MYCBP2: variants seen among roughly 807,000 people sequenced by gnomAD.
MYCBP2 encodes the protein E3 ubiquitin-protein ligase MYCBP2.
In MYCBP2, 120 loss-of-function variants were observed where a neutral mutation model predicts 525.3. The observed-to-expected ratio is 0.23, with a 90% CI of 0.20 to 0.27. MYCBP2 has a LOEUF of 0.27. Among genes scored for constraint, MYCBP2 ranks in the 10% least tolerant of loss-of-function variants. The pLI is 1.00. For missense variants in MYCBP2, 4,149 were observed against 5,657.1 expected (o/e 0.73, Z 8.55); for synonymous variants, 1,894 against 1,955.8 (o/e 0.97, Z 0.83).
At chr13:77,244,962 A>G (rs2069595582) in intron 15 of MYCBP2, among the ~76,000 whole-genome samples, 1 of 152,226 alleles carries the variant, frequency 6.6e-6, no homozygotes, top group East Asian at 1.9e-4. Flanking sequence ...AAGAACAGAC[A>G]CTTCTCAAAC....
intron 55 of MYCBP2, among the ~76,000 whole-genome samples, chr13:77,102,969 G>A (rs2047302025): frequency 6.6e-6 from 1 of 151,874 alleles, no homozygotes; most frequent in Non-Finnish European, 1.5e-5. Context: ...TTAAAATTAA[G>A]TAAGAGTAAT....
chr13:77,048,053 C>T (rs1357809369), intron 82 of MYCBP2, among the ~76,000 whole-genome samples: 1 of 152,142 alleles, frequency 6.6e-6, no homozygotes, highest in African/African-American at 2.4e-5. Flanking sequence ...GGCATTATCT[C>T]AGACAATGAG....
chr13:77,230,146 C>A (rs970260727), intron 18 of MYCBP2, among the ~76,000 whole-genome samples: 5 of 152,148 alleles, frequency 3.3e-5, no homozygotes, highest in African/African-American at 1.2e-4. Context: ...TGAATTCTGA[C>A]CTTCTCTGAA....
At position 77,288,394 on chromosome 13, in the gene MYCBP2, A is replaced by C; in HGVS notation, c.379-18T>G. On this transcript the variant is annotated intron_variant, in intron 2 of 82. Coordinates refer to ENST00000544440, the MANE Select transcript of MYCBP2 (RefSeq NM_015057.5). ...TTTTCAGACTGAAATACAAAACAGAATATTTCCATTTCACACTCTTTTCTA... is the reference window on the plus strand; with the variant it reads ...TTTTCAGACTGAAATACAAAACAGACTATTTCCATTTCACACTCTTTTCTA... 6.3e-7 allele frequency: 1 copy of C among 1,584,158 alleles called. No individual in the cohort carries two copies. The highest frequency in any genetic ancestry group is 8.7e-7 in the Non-Finnish European group (1 of 1,155,108).
chr13:77,219,819 T>C (rs549447888), intron 20 of MYCBP2, among the ~76,000 whole-genome samples: 16 of 149,800 alleles, frequency 1.1e-4, no homozygotes, highest in African/African-American at 3.2e-4. Context: ...AGAGCAGGAG[T>C]TTTCAACTCA....
intron 1 of MYCBP2, among the ~76,000 whole-genome samples, chr13:77,304,283 T>A (rs2079134798): frequency 6.6e-6 from 1 of 152,136 alleles, no homozygotes. Context: ...CACAATGAAA[T>A]ACCATTTAGT....
intron 17 of MYCBP2, among the ~76,000 whole-genome samples, chr13:77,242,169 A>C (rs2068951154): frequency 6.6e-6 from 1 of 152,168 alleles, no homozygotes; most frequent in East Asian, 1.9e-4. Flanking sequence ...GCTGGAGTGC[A>C]GTGGTGCGAT....
In MYCBP2 at chr13:77,188,964, C is replaced by A. The variant is rs890005550; in HGVS notation, c.4238G>T (p.Arg1413Ile). 11 of 1,598,028 alleles carry A rather than the reference C, an allele frequency of 6.9e-6. No individual in the cohort carries two copies. The highest frequency in any genetic ancestry group is 2.7e-5 in the African/African-American group (2 of 73,434). The change falls in exon 30 of 83, where the codon AGA becomes ATA. Residue 1413 changes from arginine to isoleucine, a missense_variant. Physicochemically the swap from Arg to Ile is moderately conservative, Grantham distance 97. Around this residue, in one of 21 missense-constraint regions of MYCBP2, gnomAD observed 292 missense variants for 330.5 expected, o/e 0.88. Transcript: ENST00000544440. ...AACATGGCTTACCACTGAGACAGTTCTTGCAAAAGACCTCTTTAAAATGTG... is the reference window on the plus strand; with the variant it reads ...AACATGGCTTACCACTGAGACAGTTATTGCAAAAGACCTCTTTAAAATGTG... ...PVHILKRSFA[R>I]TVSVECFESL...
intron 1 of MYCBP2, among the ~76,000 whole-genome samples, chr13:77,320,556 C>T (rs1056517584): frequency 2.6e-5 from 4 of 151,860 alleles, no homozygotes; most frequent in Non-Finnish European, 5.9e-5. Context: ...TCAAAGAATG[C>T]TAAAAGCATT....
rs1227692788 is a variant in MYCBP2, at chr13:77,205,544, G to T, written c.3644C>A (p.Thr1215Lys). The change falls in exon 25 of 83, where the codon ACA becomes AAA. Residue 1215 changes from threonine to lysine, a missense_variant. This residue lies in a region of MYCBP2 where 620 missense variants were observed against 795.5 expected (regional missense o/e 0.78). Transcript: ENST00000544440. ...MQDLKMGVAS[T>K]EEETQAVMKV... The stretch of plus-strand genomic sequence containing the variant: ...CATTACTGCTTGAGTCTCTTCCTCT[G>T]TACTTGCAACACCCATTTTTAAGTC... 3 of 1,613,292 alleles carry T rather than the reference G, an allele frequency of 1.9e-6. No homozygotes were observed. Among genetic ancestry groups the T allele is most frequent in the Non-Finnish European group, 2.5e-6 (3 of 1,179,776 alleles).
At chr13:77,151,011 A>T (rs1229674962) in intron 46 of MYCBP2, 62 bp from the exon 47 acceptor site, 3 of 1,337,612 alleles carry the variant, frequency 2.2e-6, no homozygotes, top group Non-Finnish European at 3.2e-6. Context: ...ACATCAAAAT[A>T]AGCAACTTAC....
rs540187163 is a variant in MYCBP2, at chr13:77,200,487, A to C, written c.3843+4769T>G. Among the ~76,000 whole-genome samples, 7 of 152,172 alleles carry C rather than the reference A, an allele frequency of 4.6e-5. No individual in the cohort carries two copies. In the East Asian group the frequency reaches 9.7e-4, roughly 21 times the overall value. ...CACTCTGCAGGATATTATCCAGGAGAACTTCCCCAATCTAGCAAGGCAGGC... is the reference window on the plus strand; with the variant it reads ...CACTCTGCAGGATATTATCCAGGAGCACTTCCCCAATCTAGCAAGGCAGGC... On this transcript the variant is annotated intron_variant, in intron 26 of 82. Transcript: ENST00000544440.
At chr13:77,103,329 G>A in intron 55 of MYCBP2, 1 of 397,372 alleles carries the variant, frequency 2.5e-6, no homozygotes, top group Non-Finnish European at 4.4e-6. Context: ...GAAAACATTG[G>A]CAAAGAAGCA....
At chr13:77,238,068 C>A (rs779799093) in intron 17 of MYCBP2, among the ~76,000 whole-genome samples, 1 of 151,646 alleles carries the variant, frequency 6.6e-6, no homozygotes, top group Non-Finnish European at 1.5e-5. Context: ...AAAGTGAAAC[C>A]CCATCTCTAG....
At chr13:77,249,758 T>C (rs1004632565) in intron 15 of MYCBP2, among the ~76,000 whole-genome samples, 3 of 152,068 alleles carry the variant, frequency 2.0e-5, no homozygotes, top group Admixed American at 2.0e-4. Context: ...AATTCCAACA[T>C]TGTTAAAAAA....
rs189948895 is a variant in MYCBP2 at position 77,273,808 on chromosome 13, G to A, written c.749-140C>T. 5.2e-5 allele frequency: 30 copies of A among 580,618 alleles called. No homozygotes were observed. In the Admixed American group the frequency reaches 1.1e-3, roughly 22 times the overall value. 36.0% of individuals were successfully genotyped at this position (580,618 alleles called of 1,614,324 possible). ...ATTACTTTGCTTTAGTTTCTTTCTAGTTACTCTCTTCCCCAAAAGTTAAAA... is the reference window on the plus strand; with the variant it reads ...ATTACTTTGCTTTAGTTTCTTTCTAATTACTCTCTTCCCCAAAAGTTAAAA... On this transcript the variant is annotated intron_variant, in intron 4 of 82. Coordinates refer to ENST00000544440, the MANE Select transcript of MYCBP2 (RefSeq NM_015057.5).
intron 47 of MYCBP2, 69 bp from the exon 48 acceptor site, chr13:77,146,286 A>G: frequency 9.6e-7 from 1 of 1,045,902 alleles, no homozygotes. Flanking sequence ...ACAGAGTAAT[A>G]TATTATTCAA....
At chr13:77,061,426 T>C in intron 75 of MYCBP2, 125 bp from the exon 76 acceptor site, 3 of 935,302 alleles carry the variant, frequency 3.2e-6, no homozygotes, top group South Asian at 2.0e-5. Flanking sequence ...GTTTTGAATA[T>C]TTCCAATCTT....
At chr13:77,065,632 G>T (rs921545511) in intron 72 of MYCBP2, among the ~76,000 whole-genome samples, 2 of 152,206 alleles carry the variant, frequency 1.3e-5, no homozygotes, top group African/African-American at 4.8e-5. Context: ...TAAAAACCAT[G>T]AGGACTGAGG....
Sources: allele counts gnomAD v4.1 joint callset (sites outside exome capture counted in the v4.1 genomes callset), GRCh38; gene constraint gnomAD v4.1.1; regional missense constraint gnomAD v4.1.1; transcripts MANE v1.5; gene names NCBI Gene and HGNC (gene_info 2026-07-23, HGNC 2026-07-21).